Variants in PPP1R14C observed in about 807,000 individuals in gnomAD.
The protein encoded by PPP1R14C is protein phosphatase 1 regulatory inhibitor subunit 14C, also known as protein phosphatase 1 regulatory subunit 14C.
A neutral mutation model predicts 20.4 loss-of-function variants in PPP1R14C; 16 were observed. That is an observed-to-expected ratio of 0.78 (90% CI 0.53 to 1.19). The LOEUF (loss-of-function observed/expected upper bound fraction) is 1.19. Among genes scored for constraint, PPP1R14C ranks in the 50% most tolerant of loss-of-function variants. The pLI, the probability that PPP1R14C is intolerant of heterozygous loss-of-function variation, is 0.00. For missense variants in PPP1R14C, 211 were observed against 220.1 expected, an observed-to-expected ratio of 0.96 and a Z score of 0.26; for synonymous variants, 91 against 91.0, an observed-to-expected ratio of 1.00 and a Z score of 0.00.
chr6:150,247,135 G>A (rs897244372), intron 3 of PPP1R14C, among the ~76,000 whole-genome samples: 5 of 152,168 alleles, frequency 3.3e-5, no homozygotes, highest in African/African-American at 9.7e-5. Flanking sequence ...CCAGAGAGTA[G>A]TGCAGGGCTC....
intron 3 of PPP1R14C, among the ~76,000 whole-genome samples, chr6:150,246,160 A>G (rs1240044367): frequency 6.6e-6 from 1 of 152,196 alleles, no homozygotes. Flanking sequence ...TTTGATTGTC[A>G]TGAAGAGAAA....
chr6:150,211,758 C>G (rs1778026732), intron 1 of PPP1R14C, among the ~76,000 whole-genome samples: 1 of 152,212 alleles, frequency 6.6e-6, no homozygotes, highest in Non-Finnish European at 1.5e-5. Context: ...TTCTTCTCAC[C>G]TGGGTTTTGT....
chr6:150,169,031 C>G (rs1363466660), intron 1 of PPP1R14C, among the ~76,000 whole-genome samples: 1 of 152,178 alleles, frequency 6.6e-6, no homozygotes, highest in Non-Finnish European at 1.5e-5. Context: ...CACGCGCCAC[C>G]ACACCCAGCT....
intron 1 of PPP1R14C, among the ~76,000 whole-genome samples, chr6:150,181,818 CT>C (rs1777624910): frequency 6.6e-6 from 1 of 152,150 alleles, no homozygotes; most frequent in Non-Finnish European, 1.5e-5. Context: ...TTAAATGTGA[CT>C]TGATTTATTT....
chr6:150,170,395 T>C (rs1035375803), intron 1 of PPP1R14C, among the ~76,000 whole-genome samples: 2 of 151,750 alleles, frequency 1.3e-5, no homozygotes, highest in African/African-American at 4.8e-5. Flanking sequence ...CGATCTTGGC[T>C]CACTGCAAGC....
chr6:150,234,638 C>A (rs117181992), intron 3 of PPP1R14C, among the ~76,000 whole-genome samples: 1 of 151,900 alleles, frequency 6.6e-6, no homozygotes, highest in Non-Finnish European at 1.5e-5. Flanking sequence ...CACTTTAGGT[C>A]GGGAGTTTGA....
At chr6:150,157,722 C>A (rs924727027) in intron 1 of PPP1R14C, among the ~76,000 whole-genome samples, 15 of 152,108 alleles carry the variant, frequency 9.9e-5, no homozygotes, top group African/African-American at 3.6e-4. Flanking sequence ...TCAAAACAGA[C>A]CCTGCCCTGG....
chr6:150,213,701 T>C (rs1411233109), intron 1 of PPP1R14C, among the ~76,000 whole-genome samples: 1 of 152,210 alleles, frequency 6.6e-6, no homozygotes, highest in Non-Finnish European at 1.5e-5. Flanking sequence ...TAGAGAAGAC[T>C]TAGGTAACAG....
At chr6:150,148,465 TA>T (rs1231190898) in intron 1 of PPP1R14C, among the ~76,000 whole-genome samples, 1 of 152,238 alleles carries the variant, frequency 6.6e-6, no homozygotes, top group Non-Finnish European at 1.5e-5. Flanking sequence ...TTATACCTTG[TA>T]AATGGACTGT....
chr6:150,178,754 T>C (rs966781361), intron 1 of PPP1R14C, among the ~76,000 whole-genome samples: 6 of 152,214 alleles, frequency 3.9e-5, no homozygotes, highest in African/African-American at 1.4e-4. Context: ...GGAATGAAAA[T>C]GACAATCTAA....
intron 1 of PPP1R14C, among the ~76,000 whole-genome samples, chr6:150,167,973 T>TTCTCTCCTCCCCCCTTTCTCC (rs1582900457): frequency 3.6e-5 from 1 of 28,152 alleles, no homozygotes; most frequent in African/African-American, 1.9e-4. Flanking sequence ...CCTCTTTCTC[T>TTCTCTCCTCCCCCCTTTCTCC]CCTTCTCTCC....
At chr6:150,243,452 A>G (rs553751016) in intron 3 of PPP1R14C, among the ~76,000 whole-genome samples, 1 of 152,342 alleles carries the variant, frequency 6.6e-6, no homozygotes, top group Admixed American at 6.5e-5. Flanking sequence ...TGTTGGGATT[A>G]CAGGCATGAG....
intron 3 of PPP1R14C, among the ~76,000 whole-genome samples, chr6:150,235,252 C>T (rs909537900): frequency 1.3e-5 from 2 of 152,182 alleles, no homozygotes; most frequent in African/African-American, 2.4e-5. Flanking sequence ...CCACACCCAG[C>T]CAATGTTTTA....
intron 1 of PPP1R14C, among the ~76,000 whole-genome samples, chr6:150,154,231 A>T (rs1357593954): frequency 1.3e-5 from 2 of 152,238 alleles, no homozygotes; most frequent in Non-Finnish European, 2.9e-5. Context: ...ATCTTAAGTA[A>T]GAGAAAGTAA....
chr6:150,179,929 C>T (rs771631009), intron 1 of PPP1R14C, among the ~76,000 whole-genome samples: 12 of 152,102 alleles, frequency 7.9e-5, no homozygotes, highest in South Asian at 2.1e-4. Flanking sequence ...GGGCCAGGCA[C>T]GGTGGCTCCG....
intron 3 of PPP1R14C, among the ~76,000 whole-genome samples, chr6:150,237,437 A>G (rs1778375438): frequency 6.6e-6 from 1 of 152,114 alleles, no homozygotes; most frequent in African/African-American, 2.4e-5. Context: ...TCCCAACCTC[A>G]GGTGATCTGC....
In PPP1R14C at chr6:150,157,656, C is replaced by T. The variant is rs151263548; in HGVS notation, c.306+14158C>T. ...GCTTCTGGGCTTCTAGGGAGAATCT[C>T]ATGCCATGTCATAACATGATGGAAG... On this transcript the variant is annotated intron_variant, in intron 1 of 3. Coordinates refer to ENST00000361131, the MANE Select transcript of PPP1R14C (RefSeq NM_030949.3). 3.9e-4 allele frequency among the ~76,000 whole-genome samples: 59 copies of T among 152,020 alleles called. 1 individual carries two copies. In the Middle Eastern group the frequency reaches 0.01, roughly 26 times the overall value.
intron 1 of PPP1R14C, among the ~76,000 whole-genome samples, chr6:150,181,150 C>A (rs910753343): frequency 1.4e-4 from 21 of 152,096 alleles, no homozygotes; most frequent in African/African-American, 5.1e-4. Flanking sequence ...CTGGGAGCTT[C>A]AGGTTAGGCT....
chr6:150,241,264 G>A (rs1225975468), intron 3 of PPP1R14C, among the ~76,000 whole-genome samples: 1 of 152,232 alleles, frequency 6.6e-6, no homozygotes, highest in Non-Finnish European at 1.5e-5. Context: ...TGTGCTGGGA[G>A]AGGGGCCCAG....
Sources: gnomAD v4.1 joint callset for allele counts (sites outside exome capture counted in the v4.1 genomes callset) on GRCh38, gnomAD v4.1.1 for gene constraint, MANE v1.5 for transcripts, NCBI Gene and HGNC (gene_info 2026-07-23, HGNC 2026-07-21) for gene names.